PCDH11X: variants seen among roughly 807,000 people sequenced by gnomAD.
The protein encoded by PCDH11X is protocadherin-11 X-linked.
In PCDH11X, 18 loss-of-function variants were observed where a neutral mutation model predicts 53.3. That is an observed-to-expected ratio of 0.34 (90% CI 0.23 to 0.50). PCDH11X has a LOEUF of 0.50. Ranked by LOEUF, PCDH11X falls within the 20% of genes least tolerant of loss-of-function variation. PCDH11X has a pLI of 0.98. For missense variants in PCDH11X, 570 were observed against 1,032.4 expected, an observed-to-expected ratio of 0.55 and a Z score of 6.14; for synonymous variants, 279 against 393.3, an observed-to-expected ratio of 0.71 and a Z score of 3.44.
At chrX:91,852,958 AC>A (rs1938116367) in intron 5 of PCDH11X, among the ~76,000 whole-genome samples, 1 of 102,211 alleles carries the variant, frequency 9.8e-6, no homozygotes, top group African/African-American at 3.6e-5. Flanking sequence ...ACCTTCAAAA[AC>A]CTTCAAATGA....
At chrX:92,515,620 A>T (rs2074256448) in intron 10 of PCDH11X, 1 of 118,757 alleles carries the variant, frequency 8.4e-6, no homozygotes, top group Admixed American at 9.2e-5. Flanking sequence ...AAGATAAGAA[A>T]AATGTATCTG....
chrX:92,171,925 G>T (rs1389832258), intron 6 of PCDH11X, among the ~76,000 whole-genome samples: 1 of 111,333 alleles, frequency 9.0e-6, no homozygotes, highest in Non-Finnish European at 1.9e-5. Flanking sequence ...TACAAGCTTT[G>T]CCCTTCTTTT....
At chrX:92,065,285 A>C (rs1362049193) in intron 6 of PCDH11X, among the ~76,000 whole-genome samples, 3 of 109,013 alleles carry the variant, frequency 2.8e-5, no homozygotes, top group Non-Finnish European at 5.7e-5. Context: ...GCTATTGTGA[A>C]TAGTGTTGCA....
At chrX:92,235,630 A>G (rs2067156131) in intron 7 of PCDH11X, among the ~76,000 whole-genome samples, 1 of 111,473 alleles carries the variant, frequency 9.0e-6, no homozygotes, top group South Asian at 3.7e-4. Context: ...AAACAGAGTA[A>G]GACTTCACCA....
intron 10 of PCDH11X, among the ~76,000 whole-genome samples, chrX:92,525,424 A>G (rs2148720316): frequency 9.1e-6 from 1 of 110,306 alleles, no homozygotes; most frequent in Non-Finnish European, 1.9e-5. Context: ...TGAGGTCAGG[A>G]GTTCGAGACC....
intron 8 of PCDH11X, among the ~76,000 whole-genome samples, chrX:92,372,729 TTG>T (rs1374912777): frequency 9.0e-6 from 1 of 110,897 alleles, no homozygotes; most frequent in Admixed American, 9.7e-5. Flanking sequence ...AGCTTATCAA[TTG>T]TTACATTATA....
intron 10 of PCDH11X, among the ~76,000 whole-genome samples, chrX:92,547,898 A>G (rs1281175240): frequency 9.2e-6 from 1 of 109,199 alleles, no homozygotes; most frequent in African/African-American, 3.3e-5. Context: ...GGCTATATAT[A>G]TATACAAGAA....
intron 10 of PCDH11X, among the ~76,000 whole-genome samples, chrX:92,610,112 A>G (rs2148815837): frequency 9.0e-6 from 1 of 111,711 alleles, no homozygotes; most frequent in Admixed American, 9.5e-5. Flanking sequence ...GATAATACTC[A>G]GTAATGAGAG....
chrX:91,960,878 C>T lies in PCDH11X; in HGVS notation c.3033+81605C>T, dbSNP rs1273550767. Among the ~76,000 whole-genome samples, 65 of 111,049 alleles carry T rather than the reference C, an allele frequency of 5.9e-4. 3 individuals are homozygous for T. Among genetic ancestry groups the T allele is most frequent in the Non-Finnish European group, 4.9e-4 (26 of 53,070 alleles). On this transcript the variant is annotated intron_variant, in intron 6 of 10. Coordinates refer to ENST00000682573, the MANE Select transcript of PCDH11X (RefSeq NM_032968.5). The stretch of plus-strand genomic sequence containing the variant: ...TGCCATTGTGTGTTCTTGGTGCTCT[C>T]GTCTAAGATTAGTTGACTCTATACA...
intron 6 of PCDH11X, among the ~76,000 whole-genome samples, chrX:91,928,885 T>C (rs1428956814): frequency 9.0e-6 from 1 of 111,101 alleles, no homozygotes; most frequent in African/African-American, 3.3e-5. Flanking sequence ...TACTTAAGCT[T>C]GTGAACAAAG....
At chrX:92,301,228 G>T (rs1308777698) in intron 8 of PCDH11X, among the ~76,000 whole-genome samples, 2 of 109,194 alleles carry the variant, frequency 1.8e-5, no homozygotes, top group Non-Finnish European at 3.8e-5. Flanking sequence ...CCCCATTTGA[G>T]TATTGGAGGC....
At chrX:92,221,278 AACACACACAC>A (rs58264678) in intron 7 of PCDH11X, among the ~76,000 whole-genome samples, 5,995 of 87,852 alleles carry the variant, frequency 0.068, 406 homozygotes, top group East Asian at 0.25. Context: ...CATTGTATAC[AACACACACAC>A]ACACACACAC....
chrX:92,263,355 C>G (rs1301294245), intron 8 of PCDH11X, among the ~76,000 whole-genome samples: 1 of 111,246 alleles, frequency 9.0e-6, no homozygotes, highest in African/African-American at 3.3e-5. Flanking sequence ...ATTTTATTTT[C>G]CCCCAATACT....
At chrX:92,509,253 G>A (rs1203657228) in intron 10 of PCDH11X, among the ~76,000 whole-genome samples, 1 of 110,653 alleles carries the variant, frequency 9.0e-6, no homozygotes, top group African/African-American at 3.3e-5. Context: ...TCAAATGATG[G>A]GATGGAAATT....
chrX:92,338,141 G>A (rs1198072437), intron 8 of PCDH11X, among the ~76,000 whole-genome samples: 4 of 111,763 alleles, frequency 3.6e-5, no homozygotes, highest in Non-Finnish European at 3.8e-5. Context: ...CTGTTCTCAT[G>A]TTTAAATCAC....
chrX:92,518,670 G>A (rs985339310), intron 10 of PCDH11X, among the ~76,000 whole-genome samples: 2 of 109,915 alleles, frequency 1.8e-5, no homozygotes, highest in Non-Finnish European at 1.9e-5. Context: ...GACCTTCTGC[G>A]AGCATGCTAG....
intron 8 of PCDH11X, among the ~76,000 whole-genome samples, chrX:92,353,519 G>A (rs2070110537): frequency 9.1e-6 from 1 of 110,336 alleles, no homozygotes; most frequent in African/African-American, 3.3e-5. Context: ...TTTTGTGTAG[G>A]TTCACAAATA....
intron 6 of PCDH11X, among the ~76,000 whole-genome samples, chrX:91,908,932 C>T (rs1311307761): frequency 2.5e-4 from 27 of 109,509 alleles, no homozygotes; most frequent in Non-Finnish European, 4.8e-4. Flanking sequence ...GGAAATTCCT[C>T]AAAGACCCAA....
At chrX:92,513,734 C>T (rs995472260) in intron 10 of PCDH11X, among the ~76,000 whole-genome samples, 7 of 110,993 alleles carry the variant, frequency 6.3e-5, no homozygotes, top group African/African-American at 2.0e-4. Context: ...TCTTTCAATA[C>T]GTAGTTTTTT....
Sources: gnomAD v4.1 joint callset for allele counts (sites outside exome capture counted in the v4.1 genomes callset) on GRCh38, gnomAD v4.1.1 for gene constraint, MANE v1.5 for transcripts, NCBI Gene and HGNC (gene_info 2026-07-23, HGNC 2026-07-21) for gene names.